The following PPIP5K2 variants were observed in gnomAD, a reference collection of about 807,000 sequenced individuals.
PPIP5K2 encodes diphosphoinositol pentakisphosphate kinase 2.
A neutral mutation model predicts 154.6 loss-of-function variants in PPIP5K2; 105 were observed. The observed-to-expected ratio is 0.68, with a 90% CI of 0.58 to 0.80. The LOEUF (loss-of-function observed/expected upper bound fraction) is 0.80, where lower values mean the gene tolerates loss of function less well. PPIP5K2 is among the 30% of genes least tolerant of loss of function. The pLI, the probability that PPIP5K2 is intolerant of heterozygous loss-of-function variation, is 0.00. For missense variants in PPIP5K2, 992 were observed against 1,504.6 expected (o/e 0.66, Z 5.64); for synonymous variants, 480 against 490.3 (o/e 0.98, Z 0.28).
At chr5:103,134,703 C>T (rs1169788964) in intron 3 of PPIP5K2, among the ~76,000 whole-genome samples, 4 of 152,150 alleles carry the variant, frequency 2.6e-5, no homozygotes, top group African/African-American at 7.2e-5. Context: ...TCATATTCCA[C>T]ATACCATCTC....
At position 103,153,914 on chromosome 5, in the gene PPIP5K2, A is replaced by T. The variant is rs782684741; in HGVS notation, c.1197A>T (p.Lys399Asn). The T allele has an allele frequency of 6.2e-7, 1 of 1,605,968 alleles. No homozygotes were observed. The highest frequency in any genetic ancestry group is 8.5e-7 in the Non-Finnish European group (1 of 1,175,090). The stretch of plus-strand genomic sequence containing the variant: ...ATCGAACACCAAAACAAAAAATGAA[A>T]ATGGAAGTGAGACATCAGAAGTATG... ...HGDRTPKQKM[K>N]MEVRHQKFFD... Residue 399 changes from lysine (K) to asparagine (N), a missense_variant, in exon 11 of 31, where the codon AAA (lysine) becomes AAT (asparagine). This residue lies in a region of PPIP5K2 where 163 missense variants were observed against 285.2 expected (regional missense o/e 0.57). Transcript: ENST00000358359.
chr5:103,147,821 T>A (rs1421274006), intron 6 of PPIP5K2, 110 bp from the exon 7 acceptor site: 4 of 676,000 alleles, frequency 5.9e-6, no homozygotes, highest in Admixed American at 5.8e-5. Context: ...AAAATGTATT[T>A]GAAAATGTCT....
intron 1 of PPIP5K2, among the ~76,000 whole-genome samples, chr5:103,124,108 G>A (rs181798536): frequency 7.2e-5 from 11 of 152,006 alleles, no homozygotes; most frequent in South Asian, 4.1e-4. Flanking sequence ...GTGAAACTCC[G>A]TCTCTACTAA....
intron 30 of PPIP5K2, among the ~76,000 whole-genome samples, chr5:103,200,845 C>T (rs1268701400): frequency 1.3e-5 from 2 of 151,928 alleles, no homozygotes; most frequent in Non-Finnish European, 2.9e-5. Flanking sequence ...ACTATGTTGC[C>T]AGGGCTCGTC....
intron 5 of PPIP5K2, among the ~76,000 whole-genome samples, chr5:103,140,149 TAAA>T (rs5870043): frequency 0.045 from 6,555 of 145,676 alleles, 467 homozygotes; most frequent in African/African-American, 0.15. Context: ...GGGAAAATGT[TAAA>T]AAAAAAAAAA....
intron 21 of PPIP5K2, among the ~76,000 whole-genome samples, chr5:103,174,667 G>A (rs1443955701): frequency 6.6e-6 from 1 of 151,992 alleles, no homozygotes; most frequent in African/African-American, 2.4e-5. Context: ...CAAGTGCATG[G>A]CATTTTTATG....
At chr5:103,157,516 C>T (rs554764503) in intron 14 of PPIP5K2, among the ~76,000 whole-genome samples, 17 of 152,184 alleles carry the variant, frequency 1.1e-4, no homozygotes, top group South Asian at 4.1e-4. Flanking sequence ...CAGTGGCTCA[C>T]GCCTTAATCC....
intron 21 of PPIP5K2, among the ~76,000 whole-genome samples, chr5:103,175,806 A>G (rs932385745): frequency 4.6e-5 from 7 of 152,192 alleles, no homozygotes; most frequent in African/African-American, 1.7e-4. Flanking sequence ...TTGGGCATAT[A>G]TTGAATTCAG....
chr5:103,199,395 C>T (rs1422652726), intron 30 of PPIP5K2, among the ~76,000 whole-genome samples: 1 of 152,006 alleles, frequency 6.6e-6, no homozygotes, highest in East Asian at 1.9e-4. Flanking sequence ...TTCATTCTTG[C>T]AGTGTAATTT....
Position 103,158,939 on chromosome 5 carries a change from C to A in PPIP5K2, c.1738-207C>A, listed in dbSNP as rs115535714. Among the ~76,000 whole-genome samples the A allele has an allele frequency of 8.7e-3, 1,327 of 151,734 alleles. 8 individuals carry two copies. The highest frequency in any genetic ancestry group is 0.013 in the Non-Finnish European group (854 of 67,854). On this transcript the variant is annotated intron_variant, in intron 16 of 30. Transcript: ENST00000358359. ...GTCAGACCCTTGTCTCAAAAAAAAA[C>A]CAAAATTTTTTTAACCAAGGAATAT...
rs1452320282 is a variant in PPIP5K2 at position 103,208,719 on chromosome 5, T to C, written c.*7085T>C. 1 of 152,248 alleles carries C rather than the reference T, an allele frequency of 6.6e-6. No homozygotes were observed. The highest frequency in any genetic ancestry group is 1.5e-5 in the Non-Finnish European group (1 of 68,100). 9.4% of individuals were successfully genotyped at this position (152,248 alleles called of 1,614,324 possible). ...GGAACTAGTTGTTGTTGTTTTTTTT[T>C]CCCTGTCTCAGATTATGTCATCTAT... On this transcript the variant is annotated 3_prime_UTR_variant, in exon 31 of 31. Coordinates refer to ENST00000358359, the MANE Select transcript of PPIP5K2 (RefSeq NM_001276277.3).
At chr5:103,139,621 C>G (rs1413872606) in intron 5 of PPIP5K2, among the ~76,000 whole-genome samples, 1 of 152,170 alleles carries the variant, frequency 6.6e-6, no homozygotes, top group African/African-American at 2.4e-5. Flanking sequence ...ACCCAGACAT[C>G]AGTGAATGTC....
At chr5:103,159,120 G>T in intron 16 of PPIP5K2, 26 bp from the exon 17 acceptor site, 1 of 1,419,276 alleles carries the variant, frequency 7.0e-7, no homozygotes, top group Non-Finnish European at 9.5e-7. Context: ...TTTTAAATTC[G>T]TGTTTTCTTT....
At chr5:103,121,704 G>C (rs1198308054) in intron 1 of PPIP5K2, among the ~76,000 whole-genome samples, 1 of 152,188 alleles carries the variant, frequency 6.6e-6, no homozygotes, top group Non-Finnish European at 1.5e-5. Context: ...TGCAGCACAG[G>C]TTTATTTAAA....
At chr5:103,163,090 T>TG (rs1796589155) in intron 17 of PPIP5K2, among the ~76,000 whole-genome samples, 1 of 148,716 alleles carries the variant, frequency 6.7e-6, no homozygotes, top group African/African-American at 2.4e-5. Flanking sequence ...TCAAGTGTTT[T>TG]TTTTTTTTTT....
chr5:103,163,187 G>T (rs1009665968), intron 17 of PPIP5K2, among the ~76,000 whole-genome samples: 5 of 146,998 alleles, frequency 3.4e-5, no homozygotes, highest in Middle Eastern at 3.7e-3. Context: ...GATATCTGTA[G>T]TTTGTGCAAA....
At chr5:103,158,940 C>T (rs1053719544) in intron 16 of PPIP5K2, among the ~76,000 whole-genome samples, 5 of 151,778 alleles carry the variant, frequency 3.3e-5, no homozygotes, top group Non-Finnish European at 5.9e-5. Context: ...AAAAAAAAAC[C>T]AAAATTTTTT....
intron 13 of PPIP5K2, 122 bp from the exon 14 acceptor site, chr5:103,155,787 A>AT (rs1391799549): frequency 6.0e-4 from 426 of 705,860 alleles, no homozygotes; most frequent in East Asian, 3.9e-3. Flanking sequence ...ATATGGTACA[A>AT]TTTTTTTTTG....
intron 3 of PPIP5K2, among the ~76,000 whole-genome samples, chr5:103,136,445 C>G (rs927927828): frequency 6.6e-6 from 1 of 152,168 alleles, no homozygotes; most frequent in Non-Finnish European, 1.5e-5. Context: ...TGAGGTGAAT[C>G]TTACCTTATT....
Sources: allele counts gnomAD v4.1 joint callset (sites outside exome capture counted in the v4.1 genomes callset), GRCh38; gene constraint gnomAD v4.1.1; regional missense constraint gnomAD v4.1.1; transcripts MANE v1.5; gene names NCBI Gene and HGNC (gene_info 2026-07-23, HGNC 2026-07-21).